Variants in CA8 observed in about 807,000 individuals in gnomAD.
The protein encoded by CA8 is carbonic anhydrase-related protein.
Under a neutral mutation model 41.4 loss-of-function variants are expected in CA8, and 22 were observed. The observed-to-expected ratio is 0.53, with a 90% CI of 0.38 to 0.76. The LOEUF is 0.76. Ranked by LOEUF, CA8 falls within the 30% of genes least tolerant of loss-of-function variation. CA8 has a pLI of 0.00. For synonymous variants in CA8, 121 were observed against 130.6 expected, an observed-to-expected ratio of 0.93 and a Z score of 0.50; for missense variants, 270 against 352.8, an observed-to-expected ratio of 0.77 and a Z score of 1.88.
chr8:60,195,895 T>G (rs760417346), intron 8 of CA8, among the ~76,000 whole-genome samples: 3 of 151,846 alleles, frequency 2.0e-5, no homozygotes, highest in Non-Finnish European at 2.9e-5. Context: ...AGGTCAGGAG[T>G]GTCAAACACT....
chr8:60,239,223 C>A (rs1486976635), intron 3 of CA8, among the ~76,000 whole-genome samples: 1 of 152,130 alleles, frequency 6.6e-6, no homozygotes, highest in East Asian at 1.9e-4. Flanking sequence ...CTCACCTCAG[C>A]CTCCAGGGGA....
intron 8 of CA8, among the ~76,000 whole-genome samples, chr8:60,202,995 A>T (rs1186356721): frequency 6.6e-6 from 1 of 152,150 alleles, no homozygotes; most frequent in Non-Finnish European, 1.5e-5. Flanking sequence ...AGTAAAACTA[A>T]AACTGCTAAG....
intron 3 of CA8, among the ~76,000 whole-genome samples, chr8:60,240,288 T>C (rs1432243350): frequency 2.0e-5 from 3 of 152,094 alleles, no homozygotes; most frequent in African/African-American, 7.2e-5. Flanking sequence ...ATTATTGAGA[T>C]GGCAGTTTCA....
chr8:60,236,035 T>C (rs182235180), intron 3 of CA8, among the ~76,000 whole-genome samples: 5 of 152,302 alleles, frequency 3.3e-5, no homozygotes, highest in Admixed American at 2.0e-4. Flanking sequence ...ATTTTATGTG[T>C]CAGCTTGGCT....
chr8:60,218,246 T>C (rs938072379), intron 7 of CA8, among the ~76,000 whole-genome samples: 1 of 152,090 alleles, frequency 6.6e-6, no homozygotes, highest in Admixed American at 6.5e-5. Flanking sequence ...ACCTTTCCTA[T>C]GTGCTACCTC....
At chr8:60,197,801 A>T (rs1028253101) in intron 8 of CA8, among the ~76,000 whole-genome samples, 1 of 152,196 alleles carries the variant, frequency 6.6e-6, no homozygotes, top group Non-Finnish European at 1.5e-5. Context: ...ATCAAAGGTG[A>T]CCTTTGCTAC....
At chr8:60,256,365 T>G (rs1402225956) in intron 3 of CA8, among the ~76,000 whole-genome samples, 1 of 152,146 alleles carries the variant, frequency 6.6e-6, no homozygotes, top group Non-Finnish European at 1.5e-5. Context: ...GACTAAGAAT[T>G]TACATTGCCA....
intron 8 of CA8, among the ~76,000 whole-genome samples, chr8:60,201,561 T>A (rs1806429586): frequency 6.6e-6 from 1 of 151,930 alleles, no homozygotes; most frequent in Non-Finnish European, 1.5e-5. Flanking sequence ...TAAAATGAGG[T>A]CTAAAAATGC....
chr8:60,190,957 T>TATATATATATATATATATACACAC (rs1554573722), intron 8 of CA8, among the ~76,000 whole-genome samples: 1,077 of 103,884 alleles, frequency 0.01, 31 homozygotes, highest in Middle Eastern at 0.016. Context: ...TATATATATA[T>TATATATATATATATATATACACAC]ACACACACAC....
At chr8:60,255,338 A>G (rs141703501) in intron 3 of CA8, among the ~76,000 whole-genome samples, 1 of 147,794 alleles carries the variant, frequency 6.8e-6, no homozygotes, top group Non-Finnish European at 1.5e-5. Context: ...TTCTGGCCAC[A>G]ATAGAGGTGA....
chr8:60,277,267 T>C (rs1408179030), intron 2 of CA8, among the ~76,000 whole-genome samples: 1 of 152,018 alleles, frequency 6.6e-6, no homozygotes, highest in Non-Finnish European at 1.5e-5. Context: ...AGTTTCAAAG[T>C]AGTTGTTACT....
At chr8:60,210,737 T>C (rs1806806882) in intron 7 of CA8, among the ~76,000 whole-genome samples, 1 of 152,200 alleles carries the variant, frequency 6.6e-6, no homozygotes, top group Non-Finnish European at 1.5e-5. Context: ...TTGTCCTGTT[T>C]AGTTTTTTAT....
At chr8:60,275,191 T>A (rs1014984700) in intron 2 of CA8, among the ~76,000 whole-genome samples, 2 of 152,190 alleles carry the variant, frequency 1.3e-5, no homozygotes, top group African/African-American at 4.8e-5. Context: ...GGTCCTTTCT[T>A]GATCATGGTA....
intron 3 of CA8, among the ~76,000 whole-genome samples, chr8:60,240,077 T>C (rs918462512): frequency 6.6e-6 from 1 of 151,942 alleles, no homozygotes; most frequent in African/African-American, 2.4e-5. Flanking sequence ...TGGAAAATGG[T>C]GAGATAACGA....
chr8:60,194,541 T>C (rs1479025386), intron 8 of CA8, among the ~76,000 whole-genome samples: 1 of 152,170 alleles, frequency 6.6e-6, no homozygotes, highest in Non-Finnish European at 1.5e-5. Flanking sequence ...TGTCCCCAAG[T>C]ACAGAGTCTC....
intron 8 of CA8, chr8:60,208,126 T>A (rs1053447351): frequency 2.0e-5 from 3 of 152,440 alleles, no homozygotes; most frequent in Admixed American, 6.5e-5. Context: ...ATTTTGTTAG[T>A]TCCTTAAGAG....
At chr8:60,236,054 G>C (rs1275819396) in intron 3 of CA8, among the ~76,000 whole-genome samples, 1 of 152,124 alleles carries the variant, frequency 6.6e-6, no homozygotes, top group Non-Finnish European at 1.5e-5. Flanking sequence ...CTAGGCTATG[G>C]TGCCCAATTG....
At chr8:60,269,288 T>C (rs72665118) in intron 2 of CA8, among the ~76,000 whole-genome samples, 16,862 of 152,202 alleles carry the variant, frequency 0.11, 1,110 homozygotes, top group East Asian at 0.2. Flanking sequence ...TTTTCCTACA[T>C]TTATGAAAAT....
chr8:60,194,829 T>C (rs747470713), intron 8 of CA8, among the ~76,000 whole-genome samples: 20 of 152,196 alleles, frequency 1.3e-4, no homozygotes, highest in Non-Finnish European at 2.4e-4. Context: ...CTCTTGCTTC[T>C]GTATCCTTGT....
Sources: gnomAD v4.1 joint callset for allele counts (sites outside exome capture counted in the v4.1 genomes callset) on GRCh38, gnomAD v4.1.1 for gene constraint, MANE v1.5 for transcripts, NCBI Gene and HGNC (gene_info 2026-07-23, HGNC 2026-07-21) for gene names.